KATNA1: variants seen among roughly 807,000 people sequenced by gnomAD.
KATNA1 encodes katanin p60 ATPase-containing subunit A1.
Under a neutral mutation model 62.6 loss-of-function variants are expected in KATNA1, and 42 were observed. The ratio of observed to expected loss-of-function variants is 0.67; its 90% CI spans 0.52 to 0.87. The LOEUF (loss-of-function observed/expected upper bound fraction) is 0.87, where lower values mean the gene tolerates loss of function less well. KATNA1 is among the 40% of genes least tolerant of loss of function. The pLI, the probability that KATNA1 is intolerant of heterozygous loss-of-function variation, is 0.00. For missense variants in KATNA1, 498 were observed against 612.5 expected, an observed-to-expected ratio of 0.81 and a Z score of 1.97; for synonymous variants, 186 against 201.9, an observed-to-expected ratio of 0.92 and a Z score of 0.67.
intron 1 of KATNA1, among the ~76,000 whole-genome samples, chr6:149,639,129 G>A (rs564637868): frequency 6.6e-6 from 1 of 152,040 alleles, no homozygotes; most frequent in East Asian, 1.9e-4. Context: ...GCGAAACCCT[G>A]TCTCTACTAA....
At chr6:149,636,324 G>T (rs2114619330) in intron 2 of KATNA1, among the ~76,000 whole-genome samples, 1 of 152,046 alleles carries the variant, frequency 6.6e-6, no homozygotes, top group African/African-American at 2.4e-5. Context: ...ATAATCCTAG[G>T]AATTTGGGAG....
At chr6:149,639,852 T>C (rs1280799108) in intron 1 of KATNA1, among the ~76,000 whole-genome samples, 2 of 152,226 alleles carry the variant, frequency 1.3e-5, no homozygotes, top group African/African-American at 2.4e-5. Context: ...TAGACTGTTA[T>C]CTGACAGTAG....
At position 149,604,767 on chromosome 6, in the gene KATNA1, C is replaced by T; in HGVS notation, c.517G>A (p.Ala173Thr). 4 of 1,613,638 alleles carry T rather than the reference C, an allele frequency of 2.5e-6. No individual in the cohort carries two copies. Among genetic ancestry groups the T allele is most frequent in the Non-Finnish European group, 3.4e-6 (4 of 1,179,716 alleles). The stretch of plus-strand genomic sequence containing the variant: ...TTATTTGTCTCTGGTTCTGTTACTG[C>T]AGCAGGTGATTTGTTCTACATGAAG... ...GREEKNKSPA[A>T]VTEPETNKFD... Residue 173 changes from alanine to threonine, a missense_variant, in exon 5 of 11, where the codon GCA (alanine) becomes ACA (threonine). Ala to Thr is a moderately conservative substitution (Grantham distance 58, BLOSUM62 0). Coordinates refer to ENST00000367411, the MANE Select transcript of KATNA1 (RefSeq NM_007044.4).
chr6:149,618,890 T>C (rs1281152506), intron 4 of KATNA1, among the ~76,000 whole-genome samples: 1 of 152,100 alleles, frequency 6.6e-6, no homozygotes, highest in African/African-American at 2.4e-5. Flanking sequence ...GAAGATGATG[T>C]AGGAGAAATG....
chr6:149,620,150 C>T (rs1267991597), intron 4 of KATNA1, among the ~76,000 whole-genome samples: 2 of 152,006 alleles, frequency 1.3e-5, no homozygotes, highest in African/African-American at 2.4e-5. Flanking sequence ...ATCTCATAGA[C>T]GTACAGAGTA....
chr6:149,623,089 C>T lies in KATNA1; in HGVS notation c.501+14G>A, dbSNP rs1271346765. ...AAAAATAACTTTCATTTATAAAAATCAATTAACATTTACCTTTTCCTCTCT... is the reference window on the plus strand; with the variant it reads ...AAAAATAACTTTCATTTATAAAAATTAATTAACATTTACCTTTTCCTCTCT... On this transcript the variant is annotated intron_variant, in intron 4 of 10. Transcript: ENST00000367411. 6.6e-7 allele frequency: 1 copy of T among 1,522,084 alleles called. No individual in the cohort carries two copies. The highest frequency in any genetic ancestry group is 2.3e-5 in the East Asian group (1 of 43,854). The allele number at this position is 1,522,084 out of a possible 1,614,324, so 94.3% of individuals were successfully genotyped here.
chr6:149,638,621 A>G, intron 1 of KATNA1, 61 bp from the exon 2 acceptor site: 1 of 1,209,802 alleles, frequency 8.3e-7, no homozygotes, highest in South Asian at 1.4e-5. Context: ...AAATAAGTAT[A>G]GTTATTAAAA....
At chr6:149,599,990 G>A (rs781290286) in intron 7 of KATNA1, among the ~76,000 whole-genome samples, 2 of 151,918 alleles carry the variant, frequency 1.3e-5, no homozygotes, top group Non-Finnish European at 2.9e-5. Context: ...ACTTTTGCTG[G>A]AACTATGACA....
chr6:149,611,196 C>T lies in KATNA1; in HGVS notation c.502-6414G>A, dbSNP rs138053733. On this transcript the variant is annotated intron_variant, in intron 4 of 10. Coordinates refer to ENST00000367411, the MANE Select transcript of KATNA1 (RefSeq NM_007044.4). ...AAATAATAGGCCAGGTGCAGTGGCT[C>T]ACGCCTGTAATCTCAGCACTTTGGG... is the stretch of plus-strand genomic sequence containing the variant. Among the ~76,000 whole-genome samples the T allele has an allele frequency of 3.1e-3, 470 of 152,246 alleles. 3 individuals carry two copies. Among genetic ancestry groups the T allele is most frequent in the African/African-American group, 0.011 (453 of 41,564 alleles).
chr6:149,638,187 T>G (rs1780140441), intron 2 of KATNA1, among the ~76,000 whole-genome samples, 199 bp downstream of exon 2: 1 of 152,142 alleles, frequency 6.6e-6, no homozygotes, highest in Non-Finnish European at 1.5e-5. Flanking sequence ...TTGTCTAGGC[T>G]GGACTTGAAC....
intron 7 of KATNA1, among the ~76,000 whole-genome samples, chr6:149,599,712 TTCA>T (rs1778466214): frequency 6.6e-6 from 1 of 151,924 alleles, no homozygotes; most frequent in African/African-American, 2.4e-5. Flanking sequence ...GAGACGGGGT[TTCA>T]TCATGTTGGC....
intron 4 of KATNA1, among the ~76,000 whole-genome samples, chr6:149,620,183 G>C (rs936416461): frequency 4.6e-5 from 7 of 152,158 alleles, no homozygotes; most frequent in African/African-American, 1.7e-4. Context: ...CTAGAGGCTG[G>C]GATGGGTAGG....
intron 1 of KATNA1, among the ~76,000 whole-genome samples, chr6:149,638,983 C>T (rs1309218333): frequency 2.0e-5 from 3 of 151,462 alleles, no homozygotes; most frequent in Non-Finnish European, 4.4e-5. Flanking sequence ...AGGTGATCTG[C>T]CCGCCTCGGC....
At position 149,601,760 on chromosome 6, in the gene KATNA1, G is replaced by A. The variant is rs371287159; in HGVS notation, c.730-8C>T. The A allele has an allele frequency of 3.2e-5, 50 of 1,570,856 alleles. No homozygotes were observed. The highest frequency in any genetic ancestry group is 6.0e-5 in the South Asian group (5 of 83,978). On this transcript the variant is annotated splice_region_variant and splice_polypyrimidine_tract_variant and intron_variant, in intron 6 of 10. Transcript: ENST00000367411. ...GCCGACCATCAGTACTCCCTGTTGC[G>A]AATATAATAGCCTCAGCAGAGGATT...
chr6:149,617,970 T>A (rs12183711), intron 4 of KATNA1, among the ~76,000 whole-genome samples: 56 of 59,688 alleles, frequency 9.4e-4, no homozygotes, highest in African/African-American at 4.8e-3. Flanking sequence ...AAATAAATAA[T>A]AAAATAAATA....
chr6:149,603,135 C>T lies in KATNA1; in HGVS notation c.729+133G>A, dbSNP rs1043526688. ...TCTAACAAAATTCTCAGTAGCACAA[C>T]ATATACCTTTTAATTTAAACATTTC... On this transcript the variant is annotated intron_variant, in intron 6 of 10. Transcript: ENST00000367411. 7.4e-6 allele frequency: 4 copies of T among 540,912 alleles called. No homozygotes were observed. The South Asian group carries it at 1.0e-4, about 14-fold the overall frequency. 33.5% of individuals were successfully genotyped at this position (540,912 alleles called of 1,614,324 possible).
At chr6:149,625,211 C>A (rs780270643) in intron 3 of KATNA1, among the ~76,000 whole-genome samples, 1 of 152,114 alleles carries the variant, frequency 6.6e-6, no homozygotes, top group Admixed American at 6.6e-5. Context: ...TAATACTGAA[C>A]ATGATATACT....
At chr6:149,634,753 T>G (rs915513698) in intron 2 of KATNA1, among the ~76,000 whole-genome samples, 2 of 152,152 alleles carry the variant, frequency 1.3e-5, no homozygotes, top group African/African-American at 4.8e-5. Flanking sequence ...CATTAGATAT[T>G]GTATACAGGA....
intron 4 of KATNA1, among the ~76,000 whole-genome samples, chr6:149,616,032 G>C (rs924161485): frequency 2.6e-5 from 4 of 152,160 alleles, no homozygotes; most frequent in Non-Finnish European, 4.4e-5. Context: ...CACAGAGAGA[G>C]GAGGTAGAAT....
Sources: allele counts gnomAD v4.1 joint callset (sites outside exome capture counted in the v4.1 genomes callset), GRCh38; gene constraint gnomAD v4.1.1; transcripts MANE v1.5; gene names NCBI Gene and HGNC (gene_info 2026-07-23, HGNC 2026-07-21).